EXT1: variants seen among roughly 807,000 people sequenced by gnomAD.
The protein encoded by EXT1 is exostosin-1.
A neutral mutation model predicts 82.5 loss-of-function variants in EXT1; 20 were observed. That is an observed-to-expected ratio of 0.24 (90% CI 0.17 to 0.35). The LOEUF (loss-of-function observed/expected upper bound fraction) is 0.35, where lower values mean the gene tolerates loss of function less well. Among genes scored for constraint, EXT1 ranks in the 10% least tolerant of loss-of-function variants. The pLI is 1.00. For missense variants in EXT1, 757 were observed against 936.5 expected (o/e 0.81, Z 2.50); for synonymous variants, 348 against 350.8 (o/e 0.99, Z 0.09).
intron 1 of EXT1, among the ~76,000 whole-genome samples, chr8:117,878,479 A>AC (rs1353434294): frequency 1.3e-5 from 2 of 152,232 alleles, no homozygotes; most frequent in Admixed American, 6.5e-5. Flanking sequence ...CTTGAGATAC[A>AC]CCATCAAGAA....
At chr8:117,880,358 C>T (rs1045948445) in intron 1 of EXT1, among the ~76,000 whole-genome samples, 4 of 152,078 alleles carry the variant, frequency 2.6e-5, no homozygotes, top group Non-Finnish European at 5.9e-5. Flanking sequence ...ATGGAGTTTG[C>T]AGTAGTTTGT....
At chr8:118,021,887 T>A (rs546372209) in intron 1 of EXT1, among the ~76,000 whole-genome samples, 53 of 152,330 alleles carry the variant, frequency 3.5e-4, no homozygotes, top group Non-Finnish European at 5.6e-4. Flanking sequence ...AGTGCCCTTT[T>A]GTTACAGTAT....
At chr8:118,106,604 C>T (rs747302146) in intron 1 of EXT1, among the ~76,000 whole-genome samples, 2 of 152,198 alleles carry the variant, frequency 1.3e-5, no homozygotes, top group Admixed American at 6.5e-5. Flanking sequence ...CCCTTGCTTT[C>T]CTTGGAGGGG....
intron 1 of EXT1, among the ~76,000 whole-genome samples, chr8:117,972,478 A>T (rs762733776): frequency 3.9e-5 from 6 of 152,220 alleles, no homozygotes; most frequent in Non-Finnish European, 8.8e-5. Context: ...AAAGAGGTGA[A>T]GAGGTGTCAG....
In EXT1 at chr8:118,111,271, T is replaced by C. The variant is rs1335228072; in HGVS notation, c.-225A>G. ...GGTCTTTCATCTTTGGGTTGCACAATGCACGGGAGAGAGCGGGGCTGAATA... is the reference window on the plus strand; with the variant it reads ...GGTCTTTCATCTTTGGGTTGCACAACGCACGGGAGAGAGCGGGGCTGAATA... On this transcript the variant is annotated 5_prime_UTR_variant, in exon 1 of 11. Coordinates refer to ENST00000378204, the MANE Select transcript of EXT1 (RefSeq NM_000127.3). 4.5e-6 allele frequency: 3 copies of C among 673,628 alleles called. No individual in the cohort carries two copies. The highest frequency in any genetic ancestry group is 2.7e-5 in the East Asian group (1 of 36,896). The allele number at this position is 673,628 out of a possible 1,614,324, so 41.7% of individuals were successfully genotyped here. A position where few individuals can be genotyped will look rare whatever the true frequency, so the allele number is the denominator to read the frequency against.
At chr8:117,964,621 GTGTGTTTGTTTGTT>G (rs1431045028) in intron 1 of EXT1, among the ~76,000 whole-genome samples, 1 of 116,202 alleles carries the variant, frequency 8.6e-6, no homozygotes, top group Non-Finnish European at 1.6e-5. Context: ...CTGTGTGTGT[GTGTGTTTGTTTGTT>G]TGTTTGTTTG....
chr8:117,930,841 C>T (rs182535791), intron 1 of EXT1, among the ~76,000 whole-genome samples: 5 of 150,028 alleles, frequency 3.3e-5, no homozygotes, highest in East Asian at 1.9e-4. Flanking sequence ...AAACAGCATG[C>T]GGTAAAGATG....
intron 1 of EXT1, among the ~76,000 whole-genome samples, chr8:118,019,871 G>A (rs920965781): frequency 6.6e-6 from 1 of 152,168 alleles, no homozygotes; most frequent in African/African-American, 2.4e-5. Flanking sequence ...TTCAATAAAT[G>A]GTGCTTGGTG....
intron 1 of EXT1, among the ~76,000 whole-genome samples, chr8:118,087,402 T>C (rs1352952379): frequency 6.6e-6 from 1 of 152,172 alleles, no homozygotes; most frequent in East Asian, 1.9e-4. Context: ...TTAGACATTG[T>C]CAGGGATCTT....
At chr8:118,040,801 T>G (rs1290988879) in intron 1 of EXT1, among the ~76,000 whole-genome samples, 1 of 152,236 alleles carries the variant, frequency 6.6e-6, no homozygotes, top group Non-Finnish European at 1.5e-5. Context: ...TGAGATGAAC[T>G]GCCCTTGTTT....
chr8:118,069,493 T>C (rs1817049208), intron 1 of EXT1, among the ~76,000 whole-genome samples: 1 of 152,110 alleles, frequency 6.6e-6, no homozygotes, highest in South Asian at 2.1e-4. Context: ...AACATTCTCT[T>C]ATGAAGCAGA....
At chr8:118,036,410 T>G (rs959525451) in intron 1 of EXT1, among the ~76,000 whole-genome samples, 1 of 152,110 alleles carries the variant, frequency 6.6e-6, no homozygotes, top group East Asian at 1.9e-4. Context: ...TAGGCCTTAT[T>G]CAAAGCCCCA....
At chr8:117,873,447 C>CTTTT (rs1184985472) in intron 1 of EXT1, among the ~76,000 whole-genome samples, 6 of 99,704 alleles carry the variant, frequency 6.0e-5, no homozygotes, top group Admixed American at 1.1e-4. Flanking sequence ...TGTCCTGTGA[C>CTTTT]TTTTTTTTTT....
intron 1 of EXT1, among the ~76,000 whole-genome samples, chr8:117,855,587 C>A (rs1387124336): frequency 1.3e-5 from 2 of 152,132 alleles, no homozygotes; most frequent in Non-Finnish European, 2.9e-5. Context: ...CCCTGAGACA[C>A]AAAAATATTG....
intron 1 of EXT1, among the ~76,000 whole-genome samples, chr8:117,876,794 T>C (rs1276192698): frequency 1.3e-5 from 2 of 152,204 alleles, no homozygotes; most frequent in Non-Finnish European, 2.9e-5. Context: ...TTGTTTACCA[T>C]TCATTCTTCC....
chr8:118,040,505 G>C (rs937984257), intron 1 of EXT1, among the ~76,000 whole-genome samples: 1 of 152,100 alleles, frequency 6.6e-6, no homozygotes, highest in Non-Finnish European at 1.5e-5. Context: ...TCTGTCAGTG[G>C]ACATTTCCTT....
intron 1 of EXT1, among the ~76,000 whole-genome samples, chr8:118,064,875 T>C (rs1792224099): frequency 8.0e-6 from 1 of 124,768 alleles, no homozygotes; most frequent in Admixed American, 7.6e-5. Flanking sequence ...TTTTTTTTTC[T>C]GAGATGGAGT....
At chr8:117,900,581 C>A (rs1813424538) in intron 1 of EXT1, among the ~76,000 whole-genome samples, 1 of 152,148 alleles carries the variant, frequency 6.6e-6, no homozygotes, top group South Asian at 2.1e-4. Context: ...TGCAATCACT[C>A]CCCTCACTGA....
chr8:118,085,851 T>C (rs1165130297), intron 1 of EXT1, among the ~76,000 whole-genome samples: 1 of 152,214 alleles, frequency 6.6e-6, no homozygotes, highest in Non-Finnish European at 1.5e-5. Context: ...GTGTATCCTC[T>C]GATAATCTAT....
Sources: allele counts gnomAD v4.1 joint callset (sites outside exome capture counted in the v4.1 genomes callset), GRCh38; gene constraint gnomAD v4.1.1; transcripts MANE v1.5; gene names NCBI Gene and HGNC (gene_info 2026-07-23, HGNC 2026-07-21).